Variants in TFB1M observed in about 807,000 individuals in gnomAD.
TFB1M encodes the protein transcription factor B1, mitochondrial.
A neutral mutation model predicts 31.1 loss-of-function variants in TFB1M; 27 were observed. The ratio of observed to expected loss-of-function variants is 0.87; its 90% CI spans 0.64 to 1.20. The LOEUF is 1.20. Ranked by LOEUF, TFB1M falls within the 50% of genes most tolerant of loss-of-function variation. TFB1M has a pLI of 0.00. For missense variants in TFB1M, 394 were observed against 418.7 expected (o/e 0.94, Z 0.51); for synonymous variants, 166 against 151.8 (o/e 1.09, Z -0.69).
chr6:155,277,128 CCTT>C (rs1448905874), intron 5 of TFB1M, among the ~76,000 whole-genome samples: 2 of 152,158 alleles, frequency 1.3e-5, no homozygotes, highest in Non-Finnish European at 2.9e-5. Context: ...TTAAGAACTC[CCTT>C]CTTCTGCTTC....
At chr6:155,269,875 T>C (rs894747213) in intron 5 of TFB1M, among the ~76,000 whole-genome samples, 2 of 152,240 alleles carry the variant, frequency 1.3e-5, no homozygotes, top group African/African-American at 2.4e-5. Context: ...TCTGAATTCA[T>C]TCATTGGGCA....
chr6:155,311,272 C>T lies in TFB1M; in HGVS notation c.201G>A (p.Gly67=). Reference sequence around the variant, plus strand: ...CATTAAGAATAGATCTTGTGATTCCCCCTGGCCCAGGGCCCACTTCGTAAA... The same window carrying T: ...CATTAAGAATAGATCTTGTGATTCCTCCTGGCCCAGGGCCCACTTCGTAAA... ...AYVYEVGPGP[G]GITRSILNAD... The change falls in exon 2 of 7, where the codon GGG becomes GGA. Residue 67 remains glycine (G), a synonymous_variant. Transcript: ENST00000367166. The T allele has an allele frequency of 6.2e-7, 1 of 1,614,006 alleles. No individual in the cohort carries two copies. Among genetic ancestry groups the T allele is most frequent in the African/African-American group, 1.3e-5 (1 of 75,030 alleles).
At chr6:155,254,323 C>T (rs1783865148), downstream of TFB1M, 2 of 1,508,228 alleles carry the variant, frequency 1.3e-6, no homozygotes, top group African/African-American at 1.4e-5. Flanking sequence ...CAGCCTGGTC[C>T]AGCAGGTGCA....
At chr6:155,298,633 T>A in intron 2 of TFB1M, 48 bp from the exon 3 acceptor site, 1 of 1,275,558 alleles carries the variant, frequency 7.8e-7, no homozygotes, top group Non-Finnish European at 1.1e-6. Context: ...CTTATGCGAG[T>A]AACAAAACTA....
In TFB1M at chr6:155,267,560, G is replaced by A. The variant is rs980740628; in HGVS notation, c.667-7160C>T. Among the ~76,000 whole-genome samples the A allele has an allele frequency of 2.6e-5, 4 of 152,296 alleles. No individual in the cohort carries two copies. In the East Asian group the frequency reaches 5.8e-4, roughly 22 times the overall value. ...GGACAAGCTCTGATTGGTGAGTGAC[G>A]ACAGCAGGTAAAACCAGTCTTAGAG... On this transcript the variant is annotated intron_variant, in intron 5 of 6. Transcript: ENST00000367166.
rs142113340 is a variant in TFB1M at position 155,277,761 on chromosome 6, C to A, written c.666+7397G>T. Among the ~76,000 whole-genome samples, 584 of 152,144 alleles carry A rather than the reference C, an allele frequency of 3.8e-3. 5 individuals carry two copies. Among genetic ancestry groups the A allele is most frequent in the African/African-American group, 0.013 (557 of 41,500 alleles). On this transcript the variant is annotated intron_variant, in intron 5 of 6. Transcript: ENST00000367166. ...AAAGTATGTATTCCTTTTGAGTGGTCAAAATGTTATTTTATACACAAGTGT... is the reference window on the plus strand; with the variant it reads ...AAAGTATGTATTCCTTTTGAGTGGTAAAAATGTTATTTTATACACAAGTGT...
intron 5 of TFB1M, chr6:155,264,267 C>T (rs890726623): frequency 2.0e-5 from 3 of 152,188 alleles, no homozygotes; most frequent in Non-Finnish European, 4.4e-5. Flanking sequence ...CATCACGGGC[C>T]TCGAGGTTAC....
At chr6:155,281,538 A>T (rs1785498658) in intron 5 of TFB1M, among the ~76,000 whole-genome samples, 1 of 152,176 alleles carries the variant, frequency 6.6e-6, no homozygotes, top group East Asian at 1.9e-4. Context: ...CTTGGCCAAC[A>T]TGGTGAAACC....
chr6:155,252,941 G>T, downstream of TFB1M: 3 of 1,613,494 alleles, frequency 1.9e-6, no homozygotes, highest in Non-Finnish European at 2.5e-6. Context: ...GGGCCTTCAT[G>T]TTACAGCCCT....
the TFB1M span, chr6:155,247,923 T>C: frequency 1.3e-6 from 2 of 1,501,782 alleles, no homozygotes; most frequent in East Asian, 2.3e-5. Flanking sequence ...AGATGATCTA[T>C]AAATGTTAAA....
chr6:155,311,278 C>T lies in TFB1M; in HGVS notation c.195G>A (p.Gly65=), dbSNP rs1308942411. 8.7e-6 allele frequency: 14 copies of T among 1,613,814 alleles called. No homozygotes were observed. Among genetic ancestry groups the T allele is most frequent in the Non-Finnish European group, 1.2e-5 (14 of 1,179,836 alleles). ...TNAYVYEVGP[G]PGGITRSILN... ...GAATAGATCTTGTGATTCCCCCTGG[C>T]CCAGGGCCCACTTCGTAAACATAAG... Residue 65 remains glycine (G), a synonymous_variant, in exon 2 of 7, where the codon GGG becomes GGA. Transcript: ENST00000367166.
chr6:155,234,708 C>A, the TFB1M span, among the ~76,000 whole-genome samples: 2 of 152,174 alleles, frequency 1.3e-5, no homozygotes, highest in Admixed American at 1.3e-4. Flanking sequence ...CCAGACCAGT[C>A]TTTTGCTTTT....
intron 5 of TFB1M, among the ~76,000 whole-genome samples, chr6:155,282,630 A>G (rs557050630): frequency 6.6e-6 from 1 of 152,280 alleles, no homozygotes; most frequent in South Asian, 2.1e-4. Context: ...TGCGTCTAGG[A>G]CTTTCTCTTC....
intron 2 of TFB1M, chr6:155,303,128 A>T (rs1777511122): frequency 6.6e-6 from 1 of 151,438 alleles, no homozygotes; most frequent in African/African-American, 2.4e-5. Flanking sequence ...CGAGGTGGAT[A>T]TGCTAATTAT....
chr6:155,243,905 A>T, the TFB1M span: 3 of 694,024 alleles, frequency 4.3e-6, no homozygotes, highest in East Asian at 3.0e-5. Context: ...AAACTTCATT[A>T]TCCTGATGGG....
At position 155,256,583 on chromosome 6, in the gene TFB1M, TGAGCAGCGGCACCCA is replaced by T. The variant is rs771678194; in HGVS notation, c.*1238_*1252del. 54 of 1,614,008 alleles carry T rather than the reference TGAGCAGCGGCACCCA, an allele frequency of 3.3e-5. No individual in the cohort carries two copies. Among genetic ancestry groups the T allele is most frequent in the East Asian group, 1.8e-4 (8 of 44,886 alleles). On this transcript the variant is annotated 3_prime_UTR_variant, in exon 7 of 7. Transcript: ENST00000367166. Reference sequence around the variant, plus strand: ...TTGCTGGACTCTGACGAGGGCAGCTTGAGCAGCGGCACCCAGAGCAGCGGCTGCCCCACGGCTGAG... The same window carrying T: ...TTGCTGGACTCTGACGAGGGCAGCTTGAGCAGCGGCTGCCCCACGGCTGAG...
intron 4 of TFB1M, among the ~76,000 whole-genome samples, chr6:155,291,025 T>C (rs1302036311): frequency 6.6e-6 from 1 of 151,956 alleles, no homozygotes; most frequent in Non-Finnish European, 1.5e-5. Flanking sequence ...AGGTAAGGTG[T>C]TTCCCTGAGT....
At chr6:155,246,939 A>G in the TFB1M span, among the ~76,000 whole-genome samples, 1 of 152,238 alleles carries the variant, frequency 6.6e-6, no homozygotes, top group Non-Finnish European at 1.5e-5. Context: ...AACTGGTGGA[A>G]TCCAAGTAGC....
chr6:155,261,807 T>G (rs994005466), intron 5 of TFB1M, among the ~76,000 whole-genome samples: 3 of 152,218 alleles, frequency 2.0e-5, no homozygotes, highest in Non-Finnish European at 2.9e-5. Flanking sequence ...GCTGAGAATG[T>G]GCCAAGCGGC....
Sources: gnomAD v4.1 joint callset for allele counts (sites outside exome capture counted in the v4.1 genomes callset) on GRCh38, gnomAD v4.1.1 for gene constraint, MANE v1.5 for transcripts, NCBI Gene and HGNC (gene_info 2026-07-23, HGNC 2026-07-21) for gene names.